CNN3: variants seen among roughly 807,000 people sequenced by gnomAD.
CNN3 encodes calponin 3.
A neutral mutation model predicts 39.0 loss-of-function variants in CNN3; 11 were observed. The observed-to-expected ratio is 0.28, with a 90% CI of 0.18 to 0.47. The LOEUF (loss-of-function observed/expected upper bound fraction) is 0.47. Among genes scored for constraint, CNN3 ranks in the 20% least tolerant of loss-of-function variants. The probability of loss-of-function intolerance (pLI) is 0.99; values close to 1 mark genes in which losing one functional copy is unlikely to be tolerated. For synonymous variants in CNN3, 101 were observed against 138.3 expected (o/e 0.73, Z 1.89); for missense variants, 266 against 403.4 (o/e 0.66, Z 2.92).
At position 94,897,795 on chromosome 1, in the gene CNN3, G is replaced by C; in HGVS notation, c.937C>G (p.Gln313Glu). 3.1e-6 allele frequency: 5 copies of C among 1,614,104 alleles called. No homozygotes were observed. The highest frequency in any genetic ancestry group is 4.2e-6 in the Non-Finnish European group (5 of 1,179,994). ...TGGTAATCTCTGGGGTAGTCATCCTGGTACTCGCCATGATACTCATCAGGG... is the reference window on the plus strand; with the variant it reads ...TGGTAATCTCTGGGGTAGTCATCCTCGTACTCGCCATGATACTCATCAGGG... ...EYPDEYHGEY[Q>E]DDYPRDYQYS... The change falls in exon 7 of 7, where the codon CAG (glutamine) becomes GAG (glutamate). Residue 313 changes from glutamine (Q) to glutamate (E), a missense_variant. Physicochemically the swap from Gln to Glu is conservative, Grantham distance 29. Coordinates refer to ENST00000370206, the MANE Select transcript of CNN3 (RefSeq NM_001839.5).
intron 1 of CNN3, among the ~76,000 whole-genome samples, chr1:94,916,850 T>A (rs1671298838): frequency 6.6e-6 from 1 of 152,218 alleles, no homozygotes; most frequent in African/African-American, 2.4e-5. Flanking sequence ...ACATAAGTTG[T>A]AAGAACTCAA....
rs764825423 is a variant in CNN3 at position 94,926,177 on chromosome 1, C to T, written c.57+661G>A. On this transcript the variant is annotated intron_variant, in intron 1 of 6. Transcript: ENST00000370206. The surrounding 1 kb of genome is among the most constrained non-coding windows in gnomAD (Gnocchi z 4.2). Reference sequence around the variant, plus strand: ...TTTCATAAAAAGTCTCAAGCCTAAGCAGATATCACTCGCACAGTGGCGCGC... The same window carrying T: ...TTTCATAAAAAGTCTCAAGCCTAAGTAGATATCACTCGCACAGTGGCGCGC... 6.6e-6 allele frequency among the ~76,000 whole-genome samples: 1 copy of T among 152,226 alleles called. No homozygotes were observed. The highest frequency in any genetic ancestry group is 2.4e-5 in the African/African-American group (1 of 41,462).
At chr1:94,911,291 T>C (rs1671156952) in intron 1 of CNN3, among the ~76,000 whole-genome samples, 2 of 152,086 alleles carry the variant, frequency 1.3e-5, no homozygotes, top group African/African-American at 4.8e-5. Context: ...TCGCCTCAGG[T>C]AAACAGAAGT....
At position 94,897,631 on chromosome 1, in the gene CNN3, A is replaced by C. The variant is rs1294568387; in HGVS notation, c.*111T>G. On this transcript the variant is annotated 3_prime_UTR_variant, in exon 7 of 7. Coordinates refer to ENST00000370206, the MANE Select transcript of CNN3 (RefSeq NM_001839.5). ...ACGTAAGGCAATTTTTCTTAAAAGT[A>C]CAATAAGCTTAATAGTGTTTTAGGA... is the stretch of plus-strand genomic sequence containing the variant. The C allele has an allele frequency of 2.9e-6, 3 of 1,023,234 alleles. No homozygotes were observed. In the East Asian group the frequency reaches 7.5e-5, roughly 26 times the overall value. The allele number at this position is 1,023,234 out of a possible 1,614,324, so 63.4% of individuals were successfully genotyped here.
chr1:94,899,241 C>T, intron 6 of CNN3, 130 bp downstream of exon 6: 1 of 989,820 alleles, frequency 1.0e-6, no homozygotes, highest in Non-Finnish European at 1.4e-6. Flanking sequence ...ATTTTGCTTT[C>T]CCAGCAAAGT....
chr1:94,899,272 A>C, intron 6 of CNN3, 99 bp downstream of exon 6: 1 of 1,272,764 alleles, frequency 7.9e-7, no homozygotes, highest in Non-Finnish European at 1.1e-6. Flanking sequence ...GAAGGAATAT[A>C]CTCTAAATAA....
intron 1 of CNN3, among the ~76,000 whole-genome samples, chr1:94,912,063 T>C (rs538500911): frequency 6.6e-6 from 1 of 151,234 alleles, no homozygotes; most frequent in South Asian, 2.1e-4. Context: ...TGAAATTCCA[T>C]CTCAAAAAAA....
chr1:94,913,144 C>T (rs1671207037), intron 1 of CNN3, among the ~76,000 whole-genome samples: 1 of 152,176 alleles, frequency 6.6e-6, no homozygotes, highest in South Asian at 2.1e-4. Flanking sequence ...AGTTTTAGAA[C>T]TAGTAACACT....
At position 94,926,808 on chromosome 1, in the gene CNN3, G is replaced by A. The variant is rs1043623950; in HGVS notation, c.57+30C>T. 28 of 1,604,116 alleles carry A rather than the reference G, an allele frequency of 1.7e-5. No homozygotes were observed. Among genetic ancestry groups the A allele is most frequent in the Non-Finnish European group, 2.4e-5 (28 of 1,175,392 alleles). On this transcript the variant is annotated intron_variant, in intron 1 of 6. Transcript: ENST00000370206. The surrounding 1 kb of genome is among the most constrained non-coding windows in gnomAD (Gnocchi z 4.2). Reference sequence around the variant, plus strand: ...CAGGCCAGCCCAAGGGTGCCCCGGGGGCCCCCGCGCCCGCCCGAGCCAGGC... The same window carrying A: ...CAGGCCAGCCCAAGGGTGCCCCGGGAGCCCCCGCGCCCGCCCGAGCCAGGC...
intron 1 of CNN3, among the ~76,000 whole-genome samples, chr1:94,915,937 G>A (rs1216013854): frequency 2.0e-5 from 3 of 152,064 alleles, no homozygotes; most frequent in Non-Finnish European, 4.4e-5. Context: ...TCTGAGCTGG[G>A]CCCCTTCTCT....
intron 1 of CNN3, among the ~76,000 whole-genome samples, chr1:94,905,861 T>C (rs1670984474): frequency 6.6e-6 from 1 of 151,766 alleles, no homozygotes; most frequent in Admixed American, 6.6e-5. Flanking sequence ...ACCCCCTGCC[T>C]CCATTACTCC....
intron 1 of CNN3, chr1:94,924,380 G>A (rs957251452): frequency 2.0e-5 from 3 of 152,504 alleles, no homozygotes; most frequent in East Asian, 1.9e-4. Context: ...CAGCATTTTG[G>A]AAGGCCAAGG....
chr1:94,910,203 C>T (rs567404439), intron 1 of CNN3, among the ~76,000 whole-genome samples: 3 of 152,280 alleles, frequency 2.0e-5, no homozygotes, highest in South Asian at 4.1e-4. Flanking sequence ...TCAAGTGTTC[C>T]GTGTGTTCCT....
At chr1:94,911,314 C>T (rs1671157675) in intron 1 of CNN3, among the ~76,000 whole-genome samples, 1 of 152,176 alleles carries the variant, frequency 6.6e-6, no homozygotes, top group Non-Finnish European at 1.5e-5. Flanking sequence ...AGTCCAGGAG[C>T]ATTTTAAAGC....
intron 6 of CNN3, among the ~76,000 whole-genome samples, chr1:94,898,846 T>G (rs928665303): frequency 6.6e-6 from 1 of 152,206 alleles, no homozygotes; most frequent in Non-Finnish European, 1.5e-5. Flanking sequence ...ATGTGAGACC[T>G]GTCTGTTCTC....
intron 1 of CNN3, among the ~76,000 whole-genome samples, chr1:94,905,018 G>A (rs768732551): frequency 6.6e-6 from 1 of 152,080 alleles, no homozygotes; most frequent in Admixed American, 6.6e-5. Context: ...ACAAGTTCCA[G>A]TCTACACCAC....
chr1:94,903,318 A>G lies in CNN3; in HGVS notation c.179+85T>C, dbSNP rs1670915612. On this transcript the variant is annotated intron_variant, in intron 2 of 6. Transcript: ENST00000370206. ...TATCTGTAGAATATCAAGGTCTGACACCCTGGGCTGAGAAGGAGAGTGAGA... is the reference window on the plus strand; with the variant it reads ...TATCTGTAGAATATCAAGGTCTGACGCCCTGGGCTGAGAAGGAGAGTGAGA... 12 of 1,544,164 alleles carry G rather than the reference A, an allele frequency of 7.8e-6. No individual in the cohort carries two copies. In the South Asian group the frequency reaches 1.4e-4, roughly 18 times the overall value.
At chr1:94,909,302 C>G (rs1671098021) in intron 1 of CNN3, among the ~76,000 whole-genome samples, 1 of 152,128 alleles carries the variant, frequency 6.6e-6, no homozygotes, top group Non-Finnish European at 1.5e-5. Context: ...TTGGGACCCT[C>G]CAAAGCTCAA....
rs1015725917 is a variant in CNN3, at chr1:94,927,098, G to T, written c.-204C>A. ...GCTACAGAGCCTCGAGCTCCGCTGC[G>T]AAGCACCCGGCTGCCTCGCTCGCCG... On this transcript the variant is annotated 5_prime_UTR_variant, in exon 1 of 7. Coordinates refer to ENST00000370206, the MANE Select transcript of CNN3 (RefSeq NM_001839.5). 4 of 501,436 alleles carry T rather than the reference G, an allele frequency of 8.0e-6. No individual in the cohort carries two copies. Among genetic ancestry groups the T allele is most frequent in the Admixed American group, 4.1e-5 (1 of 24,206 alleles). The allele number at this position is 501,436 out of a possible 1,614,324, so 31.1% of individuals were successfully genotyped here.
Sources: gnomAD v4.1 joint callset for allele counts (sites outside exome capture counted in the v4.1 genomes callset) on GRCh38, gnomAD v4.1.1 for gene constraint, Gnocchi (gnomAD v3.1) non-coding constraint, MANE v1.5 for transcripts, NCBI Gene and HGNC (gene_info 2026-07-23, HGNC 2026-07-21) for gene names.